The following PRDM6 variants were observed in gnomAD, a reference collection of about 807,000 sequenced individuals.
The protein encoded by PRDM6 is putative histone-lysine N-methyltransferase PRDM6.
In PRDM6, 25 loss-of-function variants were observed where a neutral mutation model predicts 60.8. The ratio of observed to expected loss-of-function variants is 0.41; its 90% CI spans 0.30 to 0.57. The LOEUF is 0.57. Among genes scored for constraint, PRDM6 ranks in the 20% least tolerant of loss-of-function variants. The pLI, the probability that PRDM6 is intolerant of heterozygous loss-of-function variation, is 0.27. For missense variants in PRDM6, 839 were observed against 821.3 expected, an observed-to-expected ratio of 1.02 and a Z score of -0.26; for synonymous variants, 407 against 357.4, an observed-to-expected ratio of 1.14 and a Z score of -1.57.
At position 123,171,104 on chromosome 5, in the gene PRDM6, G is replaced by T. The variant is rs192904828; in HGVS notation, c.1492G>T (p.Asp498Tyr). The change falls in exon 6 of 8, where the codon GAC (aspartate) becomes TAC (tyrosine). Residue 498 changes from aspartate to tyrosine, a missense_variant. By Grantham distance (160) the Asp-to-Tyr change is radical (BLOSUM62 -3). This residue lies in a region of PRDM6 where 109 missense variants were observed against 172.6 expected (regional missense o/e 0.63). Coordinates refer to ENST00000407847, the MANE Select transcript of PRDM6 (RefSeq NM_001136239.4). Reference protein sequence around the residue: ...LQMHVCTQNPDRPYQCGHCSQ... With the variant: ...LQMHVCTQNPYRPYQCGHCSQ... ...GATGCACGTGTGCACGCAGAACCCC[G>T]ACAGGTAACCCTGACTCTCACTGCT... 6.5e-7 allele frequency: 1 copy of T among 1,533,198 alleles called. No individual in the cohort carries two copies. Among genetic ancestry groups the T allele is most frequent in the Non-Finnish European group, 8.8e-7 (1 of 1,136,130 alleles). 95.0% of individuals were successfully genotyped at this position (1,533,198 alleles called of 1,614,324 possible).
chr5:123,164,748 C>T (rs1385055052), intron 5 of PRDM6, among the ~76,000 whole-genome samples: 1 of 152,138 alleles, frequency 6.6e-6, no homozygotes, highest in African/African-American at 2.4e-5. Context: ...TGTGCTGCCT[C>T]AAGCCCAGCT....
At chr5:123,170,673 G>C in intron 5 of PRDM6, 93 bp from the exon 6 acceptor site, 2 of 927,560 alleles carry the variant, frequency 2.2e-6, no homozygotes, top group Non-Finnish European at 3.2e-6. Context: ...ATTCTTAAAA[G>C]GTTGATTTAT....
At chr5:123,097,058 C>T (rs368520623) in intron 2 of PRDM6, among the ~76,000 whole-genome samples, 5 of 152,238 alleles carry the variant, frequency 3.3e-5, no homozygotes, top group Admixed American at 6.5e-5. Context: ...TAAGTAACTC[C>T]CTGGAGTGAC....
intron 5 of PRDM6, among the ~76,000 whole-genome samples, chr5:123,169,625 T>A (rs1251416258): frequency 6.6e-6 from 1 of 152,212 alleles, no homozygotes; most frequent in Non-Finnish European, 1.5e-5. Context: ...GCTGTCTCTA[T>A]GTTATGTCAT....
At chr5:123,110,554 CTTTTTTTTTTTTTCTTTT>C (rs1241048358) in intron 3 of PRDM6, among the ~76,000 whole-genome samples, 1 of 127,508 alleles carries the variant, frequency 7.8e-6, no homozygotes, top group Non-Finnish European at 1.6e-5. Context: ...ACCCGGCCTA[CTTTTTTTTTTTTTCTTTT>C]TTTTTTTTTT....
intron 6 of PRDM6, among the ~76,000 whole-genome samples, chr5:123,173,861 G>A (rs1286252870): frequency 2.0e-5 from 3 of 152,158 alleles, no homozygotes; most frequent in Admixed American, 6.5e-5. Flanking sequence ...TGCTCTGTTT[G>A]TACCAGAAAG....
In PRDM6 at chr5:123,155,880, C is replaced by G. The variant is rs192005737; in HGVS notation, c.901-4C>G. On this transcript the variant is annotated splice_region_variant and splice_polypyrimidine_tract_variant and intron_variant, in intron 3 of 7. Transcript: ENST00000407847. ...ACTACTTGACCTTCTGACCTCTTCT[C>G]CAGATATATGACCAGGATGGGACAC... 1.3e-6 allele frequency: 2 copies of G among 1,549,944 alleles called. No individual in the cohort carries two copies. The highest frequency in any genetic ancestry group is 1.2e-5 in the South Asian group (1 of 83,580).
intron 3 of PRDM6, among the ~76,000 whole-genome samples, chr5:123,118,388 TAG>T (rs749398777): frequency 6.6e-6 from 1 of 152,148 alleles, no homozygotes; most frequent in Non-Finnish European, 1.5e-5. Flanking sequence ...GAAAACTAGG[TAG>T]AGAGTTGCGG....
chr5:123,141,707 G>A (rs1169046488), intron 3 of PRDM6, among the ~76,000 whole-genome samples: 1 of 152,102 alleles, frequency 6.6e-6, no homozygotes, highest in Non-Finnish European at 1.5e-5. Context: ...GCTATGCCTA[G>A]TTTTTCAGAA....
chr5:123,159,605 A>T lies in PRDM6; in HGVS notation c.1120A>T (p.Ile374Phe). Residue 374 changes from isoleucine (I) to phenylalanine (F), a missense_variant, in exon 5 of 8, where the codon ATC (isoleucine) becomes TTC (phenylalanine). Around this residue, in one of 2 missense-constraint regions of PRDM6, gnomAD observed 730 missense variants for 648.8 expected, o/e 1.13. Coordinates refer to ENST00000407847, the MANE Select transcript of PRDM6 (RefSeq NM_001136239.4). ...TGACAGCTATACGTCTTTCTTTGGG[A>T]TCCCCTTACAATGCATTGCCCAGGA... is the stretch of plus-strand genomic sequence containing the variant. ...YNDSYTSFFGIPLQCIAQDEN... is the reference protein window; with the variant it reads ...YNDSYTSFFGFPLQCIAQDEN... 6.4e-7 allele frequency: 1 copy of T among 1,551,586 alleles called. No individual in the cohort carries two copies. Among genetic ancestry groups the T allele is most frequent in the Non-Finnish European group, 8.7e-7 (1 of 1,146,788 alleles).
chr5:123,182,122 G>A (rs985162857), intron 7 of PRDM6, among the ~76,000 whole-genome samples: 1 of 152,204 alleles, frequency 6.6e-6, no homozygotes, highest in African/African-American at 2.4e-5. Context: ...GGCTGCAATA[G>A]CCCAAAGAGG....
intron 4 of PRDM6, among the ~76,000 whole-genome samples, chr5:123,158,954 G>A (rs986577813): frequency 4.6e-5 from 7 of 151,960 alleles, no homozygotes. Context: ...TGTATTTATT[G>A]AATTTCCATC....
intron 3 of PRDM6, among the ~76,000 whole-genome samples, chr5:123,146,453 T>C (rs1455077055): frequency 6.6e-6 from 1 of 152,214 alleles, no homozygotes; most frequent in Non-Finnish European, 1.5e-5. Flanking sequence ...ACACTACTAT[T>C]ATTTGTAGGA....
chr5:123,100,405 C>A (rs1426538702), intron 3 of PRDM6, among the ~76,000 whole-genome samples: 1 of 152,146 alleles, frequency 6.6e-6, no homozygotes, highest in Non-Finnish European at 1.5e-5. Context: ...GTGTAGTGAG[C>A]AGAAAGGAAC....
rs972878199 is a variant in PRDM6, at chr5:123,090,594, G to T, written c.580G>T (p.Asp194Tyr). 3 of 1,522,016 alleles carry T rather than the reference G, an allele frequency of 2.0e-6. No homozygotes were observed. The highest frequency in any genetic ancestry group is 4.0e-5 in the Admixed American group (2 of 50,236). 94.3% of individuals were successfully genotyped at this position (1,522,016 alleles called of 1,614,324 possible). Residue 194 changes from aspartate to tyrosine, a missense_variant, in exon 2 of 8, where the codon GAC becomes TAC. This residue lies in a region of PRDM6 where 730 missense variants were observed against 648.8 expected (regional missense o/e 1.13). Coordinates refer to ENST00000407847, the MANE Select transcript of PRDM6 (RefSeq NM_001136239.4). ...CATCCCGCTCAACCAGCACACCAGC[G>T]ACCCCAACAACCGTACGTAGCCGCA... is the stretch of plus-strand genomic sequence containing the variant. ...EIIPLNQHTS[D>Y]PNNRCDMCAD...
intron 3 of PRDM6, among the ~76,000 whole-genome samples, chr5:123,111,651 T>C (rs930781773): frequency 6.6e-6 from 1 of 151,612 alleles, no homozygotes; most frequent in African/African-American, 2.4e-5. Flanking sequence ...TGATCCAAGA[T>C]TGCACCGCTG....
At chr5:123,173,690 A>G (rs1765947327) in intron 6 of PRDM6, among the ~76,000 whole-genome samples, 1 of 152,248 alleles carries the variant, frequency 6.6e-6, no homozygotes, top group Non-Finnish European at 1.5e-5. Flanking sequence ...AATGATGAGG[A>G]AATGCTTGAC....
chr5:123,189,106 A>G lies in PRDM6; in HGVS notation c.*1905A>G, dbSNP rs1418378418. On this transcript the variant is annotated 3_prime_UTR_variant, in exon 8 of 8. Transcript: ENST00000407847. ...TGTATAACAGTAGCTGATTGAAACTATTCTCTCTGGTAGTTAGGAATGTGT... is the reference window on the plus strand; with the variant it reads ...TGTATAACAGTAGCTGATTGAAACTGTTCTCTCTGGTAGTTAGGAATGTGT... 6.6e-6 allele frequency: 1 copy of G among 152,168 alleles called. No homozygotes were observed. Among genetic ancestry groups the G allele is most frequent in the South Asian group, 2.1e-4 (1 of 4,824 alleles). 9.4% of individuals were successfully genotyped at this position (152,168 alleles called of 1,614,324 possible).
intron 7 of PRDM6, among the ~76,000 whole-genome samples, chr5:123,182,491 G>C (rs917074740): frequency 2.6e-5 from 4 of 152,122 alleles, no homozygotes; most frequent in Admixed American, 6.5e-5. Flanking sequence ...GCGGTTTCAG[G>C]GTCAAAATGG....
Sources: gnomAD v4.1 joint callset for allele counts (sites outside exome capture counted in the v4.1 genomes callset) on GRCh38, gnomAD v4.1.1 for gene constraint, gnomAD v4.1.1 regional missense constraint, MANE v1.5 for transcripts, NCBI Gene and HGNC (gene_info 2026-07-23, HGNC 2026-07-21) for gene names.